The following EPS8L3 variants were observed in gnomAD, a reference collection of about 807,000 sequenced individuals.
EPS8L3 encodes EPS8 signaling adaptor L3.
A neutral mutation model predicts 88.5 loss-of-function variants in EPS8L3; 80 were observed. That is an observed-to-expected ratio of 0.90 (90% CI 0.75 to 1.09). The LOEUF (loss-of-function observed/expected upper bound fraction) is 1.09. Ranked by LOEUF, EPS8L3 falls within the 50% of genes least tolerant of loss-of-function variation. The pLI is 0.00. For missense variants in EPS8L3, 721 were observed against 735.2 expected, an observed-to-expected ratio of 0.98 and a Z score of 0.22; for synonymous variants, 286 against 291.0, an observed-to-expected ratio of 0.98 and a Z score of 0.18.
chr1:109,759,079 C>A lies in EPS8L3; in HGVS notation c.444G>T (p.Glu148Asp), dbSNP rs368382484. The change falls in exon 6 of 19, where the codon GAG (glutamate) becomes GAT (aspartate). Residue 148 changes from glutamate (E) to aspartate (D), a missense_variant. Transcript: ENST00000361965. The surrounding 1 kb of genome is among the most constrained non-coding windows in gnomAD (Gnocchi z 4.2). ...CTGCCTACCTTTGCTCCAGCTCTTCCTCCAGAGCCTTCTGCAGGCTGGTCT... is the reference window on the plus strand; with the variant it reads ...CTGCCTACCTTTGCTCCAGCTCTTCATCCAGAGCCTTCTGCAGGCTGGTCT... ...RLKTSLQKAL[E>D]EELEQRPRLG... is the part of the protein sequence containing the mutation. 2.3e-4 allele frequency: 366 copies of A among 1,608,112 alleles called. 2 individuals carry two copies. The highest frequency in any genetic ancestry group is 2.9e-4 in the Non-Finnish European group (338 of 1,178,078).
chr1:109,759,751 C>T lies in EPS8L3; in HGVS notation c.182G>A (p.Gly61Asp). ...LQKLFEMDAQ[G>D]RVWSQDLILQ... ...GATCAAGTCTTGGCTCCACACCCGG[C>T]CCTGTGCATCCATCTCGAACAGCTT... Residue 61 changes from glycine to aspartate, a missense_variant, in exon 4 of 19, where the codon GGC (glycine) becomes GAC (aspartate). Transcript: ENST00000361965. This position sits in a 1 kb window ranked among gnomAD's most constrained non-coding sequence, Gnocchi z 4.2. 6.2e-7 allele frequency: 1 copy of T among 1,614,116 alleles called. No homozygotes were observed. The highest frequency in any genetic ancestry group is 2.2e-5 in the East Asian group (1 of 44,886).
chr1:109,758,349 C>A lies in EPS8L3; in HGVS notation c.684G>T (p.Arg228=), dbSNP rs76617602. 2.5e-6 allele frequency: 4 copies of A among 1,613,546 alleles called. No homozygotes were observed. Among genetic ancestry groups the A allele is most frequent in the Admixed American group, 1.7e-5 (1 of 59,880 alleles). The change falls in exon 8 of 19, where the codon CGG becomes CGT. Residue 228 remains arginine (R), a synonymous_variant. Coordinates refer to ENST00000361965, the MANE Select transcript of EPS8L3 (RefSeq NM_133181.4). Reference sequence around the variant, plus strand: ...TCTCTGGGTCCTCGGGGGAAGAGGACCGCCTTGGAGGAGGCAGAGTAAAGG... The same window carrying A: ...TCTCTGGGTCCTCGGGGGAAGAGGAACGCCTTGGAGGAGGCAGAGTAAAGG... ...PSAFTLPPPR[R]SSSPEDPERD...
rs1351947723 is a variant in EPS8L3 at position 109,757,058 on chromosome 1, A to G, written c.1077T>C (p.Ser359=). 6.2e-7 allele frequency: 1 copy of G among 1,614,016 alleles called. No homozygotes were observed. The highest frequency in any genetic ancestry group is 2.2e-5 in the East Asian group (1 of 44,878). The change falls in exon 12 of 19, where the codon AGT becomes AGC. Residue 359 remains serine, a synonymous_variant. Coordinates refer to ENST00000361965, the MANE Select transcript of EPS8L3 (RefSeq NM_133181.4). ...CTGGGCCCAACCCCATCCAAAGGTT[A>G]CTCTCAGGTGGGCTTAGACAGGACT... ...LLQSCLSPPE[S]NLWMGLGPAW... is the part of the protein sequence containing the mutation.
At position 109,751,739 on chromosome 1, in the gene EPS8L3, G is replaced by T. The variant is rs549152937; in HGVS notation, c.1478C>A (p.Ala493Glu). 2 of 1,613,660 alleles carry T rather than the reference G, an allele frequency of 1.2e-6. No homozygotes were observed. Among genetic ancestry groups the T allele is most frequent in the South Asian group, 1.1e-5 (1 of 91,064 alleles). Residue 493 changes from alanine (A) to glutamate (E), a missense_variant, in exon 16 of 19, where the codon GCG (alanine) becomes GAG (glutamate). By Grantham distance (107) the Ala-to-Glu change is moderately radical (BLOSUM62 -1). Coordinates refer to ENST00000361965, the MANE Select transcript of EPS8L3 (RefSeq NM_133181.4). ...GCTTGGAATGTAGCCGCTCCGTCCCGCCTCATTCTTCACCAGCCACCACCG... is the reference window on the plus strand; with the variant it reads ...GCTTGGAATGTAGCCGCTCCGTCCCTCCTCATTCTTCACCAGCCACCACCG... ...SKRWWLVKNE[A>E]GRSGYIPSNI...
Position 109,760,043 on chromosome 1 carries a change from T to C in EPS8L3, c.97-207A>G, listed in dbSNP as rs1650750651. On this transcript the variant is annotated intron_variant, in intron 3 of 18. Coordinates refer to ENST00000361965, the MANE Select transcript of EPS8L3 (RefSeq NM_133181.4). ...TGGGGCCAGGGATAGGGCCTCCAAG[T>C]CTGAGTCTGAGGGGCTGCAGGAGGG... 3 of 587,652 alleles carry C rather than the reference T, an allele frequency of 5.1e-6. No homozygotes were observed. The East Asian group carries it at 8.8e-5, about 17-fold the overall frequency. 36.4% of individuals were successfully genotyped at this position (587,652 alleles called of 1,614,324 possible). A position where few individuals can be genotyped will look rare whatever the true frequency, so the allele number is the denominator to read the frequency against.
Position 109,759,088 on chromosome 1 carries a change from CT to C in EPS8L3, c.434del (p.Lys145ArgfsTer54), listed in dbSNP as rs1226281272. ...TTTGCTCCAGCTCTTCCTCCAGAGC[CT>C]TCTGCAGGCTGGTCTTCAGTCGCTC... ...GAERLKTSLQ[K>X]ALEEELEQRP... On this transcript the variant is annotated frameshift_variant, in exon 6 of 19. Transcript: ENST00000361965. LOFTEE classifies it high-confidence loss of function. This position sits in a 1 kb window ranked among gnomAD's most constrained non-coding sequence, Gnocchi z 4.2. The C allele has an allele frequency of 4.3e-6, 7 of 1,609,780 alleles. No homozygotes were observed. The highest frequency in any genetic ancestry group is 5.9e-6 in the Non-Finnish European group (7 of 1,178,830).
Position 109,759,830 on chromosome 1 carries a change from T to TCCGG in EPS8L3, c.102_103insCCGG (p.Met35ProfsTer50). On this transcript the variant is annotated frameshift_variant, in exon 4 of 19. Transcript: ENST00000361965. LOFTEE classifies it high-confidence loss of function. The surrounding 1 kb of genome is among the most constrained non-coding windows in gnomAD (Gnocchi z 4.2). ...CTCTGACTCCCCTGCTTGCATGTCA[T>TCCGG]CAAGTGCTGCAGGGAGAGGGGGAGT... 1.2e-6 allele frequency: 2 copies of TCCGG among 1,613,720 alleles called. No individual in the cohort carries two copies. The highest frequency in any genetic ancestry group is 1.7e-6 in the Non-Finnish European group (2 of 1,179,872).
chr1:109,752,016 C>A lies in EPS8L3; in HGVS notation c.1413G>T (p.Val471=), dbSNP rs1570676902. 6.2e-7 allele frequency: 1 copy of A among 1,610,728 alleles called. No homozygotes were observed. Among genetic ancestry groups the A allele is most frequent in the South Asian group, 1.1e-5 (1 of 90,606 alleles). ...TCACCTCCAGCTTCTCTCCCTGGAC[C>A]ACAGTCAGTTCCCGTGGGTTCCTAG... The part of the protein sequence containing the change: ...FEARNPRELT[V]VQGEKLEVLD... Residue 471 remains valine (V), a synonymous_variant, in exon 15 of 19, where the codon GTG becomes GTT. Transcript: ENST00000361965.
chr1:109,763,553 A>G (rs949981029), intron 1 of EPS8L3, among the ~76,000 whole-genome samples: 1 of 152,050 alleles, frequency 6.6e-6, no homozygotes, highest in Non-Finnish European at 1.5e-5. Context: ...TAAGCCCTAG[A>G]TGTAGGGGTT....
rs17598321 is a variant in EPS8L3, at chr1:109,759,828, C to T, written c.105G>A (p.Met35Ile). 0.027 allele frequency: 43,949 copies of T among 1,613,764 alleles called. 751 individuals carry two copies. The highest frequency in any genetic ancestry group is 0.03 in the Non-Finnish European group (35,698 of 1,179,850). Reference sequence around the variant, plus strand: ...CTCTCTGACTCCCCTGCTTGCATGTCATCAAGTGCTGCAGGGAGAGGGGGA... The same window carrying T: ...CTCTCTGACTCCCCTGCTTGCATGTTATCAAGTGCTGCAGGGAGAGGGGGA... ...TLLQHRVEHL[M>I]TCKQGSQRVQ... Residue 35 changes from methionine to isoleucine, a missense_variant, in exon 4 of 19, where the codon ATG (methionine) becomes ATA (isoleucine). By Grantham distance (10) the Met-to-Ile change is conservative (BLOSUM62 1). Coordinates refer to ENST00000361965, the MANE Select transcript of EPS8L3 (RefSeq NM_133181.4). The surrounding 1 kb of genome is among the most constrained non-coding windows in gnomAD (Gnocchi z 4.2).
At position 109,757,515 on chromosome 1, in the gene EPS8L3, T is replaced by A; in HGVS notation, c.935A>T (p.Glu312Val). 6.2e-7 allele frequency: 1 copy of A among 1,614,098 alleles called. No individual in the cohort carries two copies. Among genetic ancestry groups the A allele is most frequent in the South Asian group, 1.1e-5 (1 of 91,058 alleles). The change falls in exon 11 of 19, where the codon GAG becomes GTG. Residue 312 changes from glutamate (E) to valine (V), a missense_variant. Physicochemically the swap from Glu to Val is moderately radical, Grantham distance 121. Coordinates refer to ENST00000361965, the MANE Select transcript of EPS8L3 (RefSeq NM_133181.4). ...ATWLKETSAPELVHILFKSLN... is the reference protein window; with the variant it reads ...ATWLKETSAPVLVHILFKSLN... ...GGACTTGAAGAGGATGTGTACGAGC[T>A]CAGGGGCACTTGTCTCCTTCAGCCA...
chr1:109,750,210 C>A lies in EPS8L3; in HGVS notation c.*181G>T. 1.4e-6 allele frequency: 1 copy of A among 702,258 alleles called. No individual in the cohort carries two copies. Among genetic ancestry groups the A allele is most frequent in the Non-Finnish European group, 2.4e-6 (1 of 414,104 alleles). 43.5% of individuals were successfully genotyped at this position (702,258 alleles called of 1,614,324 possible). On this transcript the variant is annotated 3_prime_UTR_variant, in exon 19 of 19. Transcript: ENST00000361965. ...GGTTACTGGGGAGGCTCCAACACAG[C>A]CAGAAGGGACACTGTTTGCTTCAGC...
chr1:109,757,675 A>G lies in EPS8L3; in HGVS notation c.895-120T>C, dbSNP rs774601239. ...CACTTCCCAAAAGTCCCAAGAGGGG[A>G]GGGGAGGTTCTAGGGGGAGTAGATG... On this transcript the variant is annotated intron_variant, in intron 10 of 18. Coordinates refer to ENST00000361965, the MANE Select transcript of EPS8L3 (RefSeq NM_133181.4). 4.0e-4 allele frequency: 554 copies of G among 1,385,096 alleles called. 1 individual carries two copies. Among genetic ancestry groups the G allele is most frequent in the Non-Finnish European group, 5.2e-4 (508 of 983,288 alleles). 85.8% of individuals were successfully genotyped at this position (1,385,096 alleles called of 1,614,324 possible).
intron 1 of EPS8L3, among the ~76,000 whole-genome samples, chr1:109,761,980 G>T (rs1012524694): frequency 1.3e-5 from 2 of 152,112 alleles, no homozygotes; most frequent in East Asian, 3.9e-4. Flanking sequence ...TGGAGGCCCC[G>T]GGCTGAGGGA....
intron 1 of EPS8L3, among the ~76,000 whole-genome samples, chr1:109,763,430 T>C (rs541565677): frequency 1.0e-3 from 154 of 152,084 alleles, no homozygotes; most frequent in African/African-American, 3.6e-3. Flanking sequence ...TAGGTCAAGG[T>C]GGGGAAACAG....
chr1:109,759,290 TC>T lies in EPS8L3; in HGVS notation c.352del (p.Glu118SerfsTer22). The T allele has an allele frequency of 6.2e-7, 1 of 1,614,104 alleles. No homozygotes were observed. Among genetic ancestry groups the T allele is most frequent in the Non-Finnish European group, 8.5e-7 (1 of 1,180,034 alleles). ...AGTGCTAGTGCCTGGCAGGCCCGGC[TC>T]CTGCACGGTGATGGACAGGATGGAG... ...YNSILSITVQ[E>X]PGLPGTSTLL... On this transcript the variant is annotated frameshift_variant, in exon 5 of 19. Transcript: ENST00000361965. LOFTEE classifies it high-confidence loss of function. This position sits in a 1 kb window ranked among gnomAD's most constrained non-coding sequence, Gnocchi z 4.2.
At chr1:109,751,232 C>T in intron 17 of EPS8L3, 46 bp downstream of exon 17, 1 of 1,572,972 alleles carries the variant, frequency 6.4e-7, no homozygotes, top group Non-Finnish European at 8.7e-7. Flanking sequence ...TTGGTTAGCC[C>T]TTTACAAAGT....
Position 109,750,269 on chromosome 1 carries a change from C to T in EPS8L3, c.*122G>A. 1 of 1,203,208 alleles carries T rather than the reference C, an allele frequency of 8.3e-7. No homozygotes were observed. Among genetic ancestry groups the T allele is most frequent in the Admixed American group, 2.0e-5 (1 of 50,042 alleles). 74.5% of individuals were successfully genotyped at this position (1,203,208 alleles called of 1,614,324 possible). On this transcript the variant is annotated 3_prime_UTR_variant, in exon 19 of 19. Transcript: ENST00000361965. ...CTGTCCATTGTTTTTGCTGTGTGAG[C>T]TGGGGTGTGGGGTTTGCTGCAAACT...
intron 10 of EPS8L3, 48 bp downstream of exon 10, chr1:109,757,754 A>T: frequency 6.4e-7 from 1 of 1,571,140 alleles, no homozygotes. Flanking sequence ...ATTACTGGGG[A>T]GGAAGGGGAA....
Sources: allele counts gnomAD v4.1 joint callset (sites outside exome capture counted in the v4.1 genomes callset), GRCh38; gene constraint gnomAD v4.1.1; non-coding constraint Gnocchi (gnomAD v3.1); transcripts MANE v1.5; gene names NCBI Gene and HGNC (gene_info 2026-07-23, HGNC 2026-07-21).